The following STPG2 variants were observed in gnomAD, a reference collection of about 807,000 sequenced individuals.
STPG2 encodes sperm-tail PG-rich repeat-containing protein 2.
A neutral mutation model predicts 54.2 loss-of-function variants in STPG2; 56 were observed. The observed-to-expected ratio is 1.03, with a 90% CI of 0.83 to 1.29. The LOEUF (loss-of-function observed/expected upper bound fraction) is 1.29, where lower values mean the gene tolerates loss of function less well. STPG2 is among the 50% of genes most tolerant of loss of function. The pLI is 0.00. For missense variants in STPG2, 596 were observed against 544.9 expected (o/e 1.09, Z -0.93); for synonymous variants, 200 against 181.8 (o/e 1.10, Z -0.81).
chr4:97,487,591 T>A (rs906699147), intron 4 of STPG2, among the ~76,000 whole-genome samples: 3 of 151,550 alleles, frequency 2.0e-5, no homozygotes, highest in Non-Finnish European at 4.4e-5. Context: ...CACTTCATGG[T>A]TTCTTAAAAT....
intron 9 of STPG2, among the ~76,000 whole-genome samples, chr4:97,828,858 A>G (rs76841787): frequency 6.6e-6 from 1 of 152,152 alleles, no homozygotes; most frequent in Non-Finnish European, 1.5e-5. Context: ...ACAGAAAAAA[A>G]GGCAGCTGCC....
chr4:97,918,113 T>C (rs1731954589), intron 8 of STPG2, among the ~76,000 whole-genome samples: 1 of 152,116 alleles, frequency 6.6e-6, no homozygotes, highest in South Asian at 2.1e-4. Flanking sequence ...CTCAGTAAAT[T>C]TGTGAAAATT....
At chr4:97,750,942 A>G (rs918246564) in intron 9 of STPG2, among the ~76,000 whole-genome samples, 2 of 151,794 alleles carry the variant, frequency 1.3e-5, no homozygotes, top group African/African-American at 4.8e-5. Context: ...GAAAAATAAT[A>G]CAAATGCTTT....
chr4:97,606,150 C>T (rs573490617), intron 10 of STPG2, among the ~76,000 whole-genome samples: 10 of 151,956 alleles, frequency 6.6e-5, no homozygotes, highest in South Asian at 4.1e-4. Context: ...TTTCCCATCA[C>T]GTGGGGCATT....
intron 4 of STPG2, among the ~76,000 whole-genome samples, chr4:97,531,835 A>C (rs1044284820): frequency 5.3e-5 from 8 of 152,208 alleles, no homozygotes; most frequent in African/African-American, 1.4e-4. Context: ...TTCATTGTAC[A>C]TTAAAGCTAT....
At chr4:97,855,720 T>C (rs998264218) in intron 8 of STPG2, among the ~76,000 whole-genome samples, 2 of 152,194 alleles carry the variant, frequency 1.3e-5, no homozygotes, top group Non-Finnish European at 2.9e-5. Flanking sequence ...TTTCAGTGTT[T>C]TTATCATGAA....
intron 10 of STPG2, among the ~76,000 whole-genome samples, chr4:97,614,015 T>C (rs1441289138): frequency 6.6e-6 from 1 of 152,142 alleles, no homozygotes; most frequent in Non-Finnish European, 1.5e-5. Flanking sequence ...AAATAAAATA[T>C]AACATCAATG....
chr4:97,758,679 G>GCT (rs1226255676), intron 9 of STPG2, among the ~76,000 whole-genome samples: 1 of 152,056 alleles, frequency 6.6e-6, no homozygotes, highest in Admixed American at 6.6e-5. Context: ...TCCATGCAGG[G>GCT]CTTAAAACCT....
At chr4:97,506,933 A>G (rs1254191618) in intron 4 of STPG2, among the ~76,000 whole-genome samples, 3 of 152,130 alleles carry the variant, frequency 2.0e-5, no homozygotes, top group East Asian at 3.9e-4. Context: ...CAGTAAATAT[A>G]TTGTCATAAT....
intron 8 of STPG2, among the ~76,000 whole-genome samples, chr4:97,907,515 T>C (rs1200605108): frequency 6.6e-6 from 1 of 152,004 alleles, no homozygotes; most frequent in Non-Finnish European, 1.5e-5. Context: ...TGGAAAAAAC[T>C]ACTTTAAAGT....
intron 10 of STPG2, among the ~76,000 whole-genome samples, chr4:97,656,298 T>C (rs1722217113): frequency 1.3e-5 from 2 of 152,182 alleles, no homozygotes; most frequent in African/African-American, 4.8e-5. Context: ...TTTCTTTCCC[T>C]GTGTCTTCAA....
At chr4:97,450,878 A>G (rs941910274) in intron 4 of STPG2, among the ~76,000 whole-genome samples, 18 of 152,304 alleles carry the variant, frequency 1.2e-4, no homozygotes, top group South Asian at 4.1e-4. Context: ...TCCTACATGC[A>G]CTTATTTAAC....
At chr4:98,110,624 C>G (rs1739319709) in intron 3 of STPG2, among the ~76,000 whole-genome samples, 1 of 152,048 alleles carries the variant, frequency 6.6e-6, no homozygotes, top group African/African-American at 2.4e-5. Flanking sequence ...TGCACTTGAT[C>G]TCTCAAATCA....
intron 4 of STPG2, among the ~76,000 whole-genome samples, chr4:97,542,046 A>C (rs909187212): frequency 6.6e-6 from 1 of 152,228 alleles, no homozygotes; most frequent in Non-Finnish European, 1.5e-5. Context: ...AATACCATTC[A>C]GGACATAGGC....
intron 6 of STPG2, among the ~76,000 whole-genome samples, chr4:97,979,878 C>A (rs943604635): frequency 5.9e-5 from 9 of 152,016 alleles, no homozygotes; most frequent in African/African-American, 2.2e-4. Context: ...ATGCGCACCA[C>A]CACACCCGAC....
At chr4:97,812,637 T>C (rs1727777516) in intron 9 of STPG2, among the ~76,000 whole-genome samples, 1 of 152,122 alleles carries the variant, frequency 6.6e-6, no homozygotes, top group East Asian at 1.9e-4. Context: ...ACGTCTAGTC[T>C]ATATTAGTTC....
At chr4:97,629,110 T>C (rs1721163277) in intron 10 of STPG2, among the ~76,000 whole-genome samples, 1 of 151,942 alleles carries the variant, frequency 6.6e-6, no homozygotes, top group South Asian at 2.1e-4. Flanking sequence ...TTGTGTAGCA[T>C]AGGTTGCAAA....
At chr4:97,904,016 C>G (rs1236519223) in intron 8 of STPG2, among the ~76,000 whole-genome samples, 1 of 152,192 alleles carries the variant, frequency 6.6e-6, no homozygotes, top group Non-Finnish European at 1.5e-5. Context: ...AGCAGCGAGG[C>G]TGGGGGAGGG....
intron 9 of STPG2, among the ~76,000 whole-genome samples, chr4:97,822,218 C>T (rs1728116352): frequency 6.6e-6 from 1 of 152,134 alleles, no homozygotes; most frequent in Non-Finnish European, 1.5e-5. Flanking sequence ...TGCTAGATAC[C>T]CTAAAATACA....
Sources: allele counts gnomAD v4.1 joint callset (sites outside exome capture counted in the v4.1 genomes callset), GRCh38; gene constraint gnomAD v4.1.1; transcripts MANE v1.5; gene names NCBI Gene and HGNC (gene_info 2026-07-23, HGNC 2026-07-21).